PDE12: variants seen among roughly 807,000 people sequenced by gnomAD.
PDE12 encodes the protein phosphodiesterase 12.
PDE12 carries 26 observed loss-of-function variants against 45.4 expected under a neutral mutation model. The observed-to-expected ratio is 0.57, with a 90% CI of 0.42 to 0.79. The LOEUF is 0.79. PDE12 is among the 30% of genes least tolerant of loss of function. The pLI is 0.00. For synonymous variants in PDE12, 283 were observed against 323.9 expected, an observed-to-expected ratio of 0.87 and a Z score of 1.36; for missense variants, 668 against 790.0, an observed-to-expected ratio of 0.85 and a Z score of 1.85.
At chr3:57,570,466 C>A (rs1165740352), downstream of PDE12, among the ~76,000 whole-genome samples, 3 of 151,586 alleles carry the variant, frequency 2.0e-5, no homozygotes, top group Non-Finnish European at 4.4e-5. Flanking sequence ...AATCTGCCCA[C>A]CTTGGCCTCC....
chr3:57,600,641 C>G, the PDE12 span: 1 of 152,184 alleles, frequency 6.6e-6, no homozygotes, highest in African/African-American at 2.4e-5. Context: ...CTGCTGAGCT[C>G]AGGCGATCTA....
chr3:57,594,044 T>C, the PDE12 span, among the ~76,000 whole-genome samples: 1 of 152,050 alleles, frequency 6.6e-6, no homozygotes, highest in Non-Finnish European at 1.5e-5. Flanking sequence ...TCACCTGAGG[T>C]CAGGAGTTCG....
the PDE12 span, chr3:57,596,539 C>T: frequency 6.5e-6 from 1 of 152,772 alleles, no homozygotes; most frequent in African/African-American, 2.4e-5. Context: ...TCTTCGGAAA[C>T]CTTGGGTGCT....
At chr3:57,603,349 T>A in the PDE12 span, among the ~76,000 whole-genome samples, 2 of 151,950 alleles carry the variant, frequency 1.3e-5, no homozygotes, top group Non-Finnish European at 2.9e-5. Context: ...TATTTATTTA[T>A]TTTTTTTAAG....
the PDE12 span, among the ~76,000 whole-genome samples, chr3:57,656,121 C>A: frequency 1.1e-4 from 16 of 151,922 alleles, no homozygotes; most frequent in Non-Finnish European, 1.8e-4. Context: ...TAAAATTTAC[C>A]CTTACCAAAG....
the PDE12 span, among the ~76,000 whole-genome samples, chr3:57,584,858 G>A: frequency 6.6e-6 from 1 of 151,838 alleles, no homozygotes; most frequent in Admixed American, 6.6e-5. Context: ...CATTTTTTGG[G>A]GGGTGGAGGG....
the PDE12 span, among the ~76,000 whole-genome samples, chr3:57,601,270 C>T: frequency 6.6e-5 from 10 of 152,024 alleles, no homozygotes; most frequent in Admixed American, 2.6e-4. Flanking sequence ...CCACTGCGCC[C>T]GGCTAATTTT....
chr3:57,646,262 A>C, the PDE12 span: 2 of 1,568,838 alleles, frequency 1.3e-6, no homozygotes, highest in Admixed American at 2.0e-5. Context: ...CCAACAGGTT[A>C]AGTACTGCAG....
chr3:57,648,464 C>A, the PDE12 span, among the ~76,000 whole-genome samples: 2 of 152,146 alleles, frequency 1.3e-5, no homozygotes, highest in African/African-American at 4.8e-5. Flanking sequence ...CCCATCAATG[C>A]CCTCCTTACA....
At chr3:57,591,164 T>G in the PDE12 span, among the ~76,000 whole-genome samples, 1 of 152,148 alleles carries the variant, frequency 6.6e-6, no homozygotes, top group Non-Finnish European at 1.5e-5. Context: ...GTTTGTCAGG[T>G]CCTCAAAATG....
the PDE12 span, among the ~76,000 whole-genome samples, chr3:57,643,826 C>CA: frequency 0.037 from 3,431 of 93,940 alleles, 90 homozygotes; most frequent in African/African-American, 0.095. Context: ...GACTCTGTCT[C>CA]AAAAAAAAAA....
chr3:57,616,001 T>G, the PDE12 span, among the ~76,000 whole-genome samples: 4 of 151,966 alleles, frequency 2.6e-5, no homozygotes, highest in Non-Finnish European at 4.4e-5. Context: ...ATGGACAAAT[T>G]TCTTGAAAGA....
chr3:57,594,919 T>C, the PDE12 span, among the ~76,000 whole-genome samples: 11 of 152,362 alleles, frequency 7.2e-5, no homozygotes, highest in South Asian at 4.1e-4. Flanking sequence ...CCCTCGTACG[T>C]TGATACTTCC....
At chr3:57,606,926 CT>C in the PDE12 span, among the ~76,000 whole-genome samples, 1 of 152,232 alleles carries the variant, frequency 6.6e-6, no homozygotes, top group African/African-American at 2.4e-5. Flanking sequence ...AGTCTGAGAT[CT>C]GAGAACGGAC....
rs1187849356 is a variant in PDE12 at position 57,564,087 on chromosome 3, T to C, written c.*4083T>C. ...TAACTTCAAAATAACCATACAGTAC[T>C]GCTTGTAATTTTTGTATTTTTAGTA... On this transcript the variant is annotated 3_prime_UTR_variant, in exon 3 of 3. Transcript: ENST00000311180. The C allele has an allele frequency of 6.6e-6, 1 of 152,168 alleles. No individual in the cohort carries two copies. The highest frequency in any genetic ancestry group is 1.5e-5 in the Non-Finnish European group (1 of 68,024). The allele number at this position is 152,168 out of a possible 1,614,324, so 9.4% of individuals were successfully genotyped here.
chr3:57,603,914 AC>A, the PDE12 span, among the ~76,000 whole-genome samples: 4 of 146,838 alleles, frequency 2.7e-5, no homozygotes, highest in African/African-American at 1.0e-4. Context: ...GAGCCACTGC[AC>A]CCAGCCCAGA....
At chr3:57,626,820 CAA>C in the PDE12 span, 295 of 152,386 alleles carry the variant, frequency 1.9e-3, 1 homozygote, top group African/African-American at 6.8e-3. Context: ...ATTGTTTAAA[CAA>C]AACAGAAACA....
At chr3:57,590,632 C>T in the PDE12 span, among the ~76,000 whole-genome samples, 1 of 152,062 alleles carries the variant, frequency 6.6e-6, no homozygotes, top group East Asian at 1.9e-4. Context: ...AAATTATCTA[C>T]AAGTTTGAAA....
chr3:57,576,797 A>C, the PDE12 span, among the ~76,000 whole-genome samples: 7 of 152,146 alleles, frequency 4.6e-5, no homozygotes, highest in Non-Finnish European at 1.0e-4. Context: ...TGCCACTGTG[A>C]ACCAAACATT....
Sources: gnomAD v4.1 joint callset for allele counts (sites outside exome capture counted in the v4.1 genomes callset) on GRCh38, gnomAD v4.1.1 for gene constraint, MANE v1.5 for transcripts, NCBI Gene and HGNC (gene_info 2026-07-23, HGNC 2026-07-21) for gene names.